The following PAFAH2 variants were observed in gnomAD, a reference collection of about 807,000 sequenced individuals.
The protein encoded by PAFAH2 is platelet-activating factor acetylhydrolase 2, cytoplasmic.
PAFAH2 carries 42 observed loss-of-function variants against 49.0 expected under a neutral mutation model. The observed-to-expected ratio is 0.86, with a 90% CI of 0.67 to 1.11. PAFAH2 has a LOEUF of 1.11. Among genes scored for constraint, PAFAH2 ranks in the 50% least tolerant of loss-of-function variants. The probability of loss-of-function intolerance (pLI) is 0.00; values close to 1 mark genes in which losing one functional copy is unlikely to be tolerated. For synonymous variants in PAFAH2, 184 were observed against 181.3 expected (o/e 1.01, Z -0.12); for missense variants, 503 against 501.8 (o/e 1.00, Z -0.02).
chr1:25,981,644 C>CT (rs1398435285), intron 7 of PAFAH2, among the ~76,000 whole-genome samples: 1 of 152,232 alleles, frequency 6.6e-6, no homozygotes, highest in African/African-American at 2.4e-5. Flanking sequence ...GACAAAGGGA[C>CT]TGGCCCAGAG....
At chr1:25,986,751 G>C (rs111983407) in intron 4 of PAFAH2, among the ~76,000 whole-genome samples, 6 of 151,696 alleles carry the variant, frequency 4.0e-5, no homozygotes, top group African/African-American at 7.3e-5. Flanking sequence ...GGCTAGTCTC[G>C]AACTCCCAAC....
At chr1:25,989,303 C>T in intron 3 of PAFAH2, 145 bp downstream of exon 3, 1 of 654,948 alleles carries the variant, frequency 1.5e-6, no homozygotes, top group South Asian at 5.2e-5. Context: ...AATTCTCTCC[C>T]AACTCTCCAT....
chr1:25,974,507 T>C lies in PAFAH2; in HGVS notation c.902A>G (p.His301Arg). The change falls in exon 9 of 11, where the codon CAT becomes CGT. Residue 301 changes from histidine (H) to arginine (R), a missense_variant. By Grantham distance (29) the His-to-Arg change is conservative. Coordinates refer to ENST00000374282, the MANE Select transcript of PAFAH2 (RefSeq NM_000437.4). ...AACGGTTATGATCCTAGACTGTTCA[T>C]GCTGGGCACATATCTTCTTCATCAA... The part of the protein sequence containing the change: ...VNLMKKICAQ[H>R]EQSRIITVLG... 4 of 1,614,012 alleles carry C rather than the reference T, an allele frequency of 2.5e-6. No homozygotes were observed. Among genetic ancestry groups the C allele is most frequent in the South Asian group, 1.1e-5 (1 of 91,064 alleles).
intron 10 of PAFAH2, among the ~76,000 whole-genome samples, chr1:25,970,993 C>T (rs1010481722): frequency 5.3e-5 from 8 of 152,052 alleles, no homozygotes; most frequent in South Asian, 2.1e-4. Context: ...GGAGGTACCA[C>T]GAACATTTAG....
At chr1:25,966,264 T>C (rs185165554) in intron 10 of PAFAH2, among the ~76,000 whole-genome samples, 3 of 152,266 alleles carry the variant, frequency 2.0e-5, no homozygotes, top group Admixed American at 2.0e-4. Context: ...ATCCCACTAC[T>C]GGCTATCTAC....
intron 4 of PAFAH2, among the ~76,000 whole-genome samples, chr1:25,987,822 G>A (rs1254365471): frequency 1.3e-5 from 2 of 152,030 alleles, no homozygotes; most frequent in African/African-American, 4.8e-5. Flanking sequence ...AGGCTGCAGT[G>A]AGCTGTGATC....
rs1009221453 is a variant in PAFAH2 at position 25,961,663 on chromosome 1, C to T, written c.*326G>A. ...TGGCCGGGGGTAAGGGAATGAGCTTCGCTGGGCTGAGTCTTCACATCCAGG... is the reference window on the plus strand; with the variant it reads ...TGGCCGGGGGTAAGGGAATGAGCTTTGCTGGGCTGAGTCTTCACATCCAGG... On this transcript the variant is annotated 3_prime_UTR_variant, in exon 11 of 11. Transcript: ENST00000374282. 2.8e-5 allele frequency: 6 copies of T among 212,240 alleles called. No homozygotes were observed. In the South Asian group the frequency reaches 3.8e-4, roughly 13 times the overall value. 13.1% of individuals were successfully genotyped at this position (212,240 alleles called of 1,614,324 possible).
At chr1:25,990,300 G>C (rs2049853876) in intron 2 of PAFAH2, among the ~76,000 whole-genome samples, 1 of 152,108 alleles carries the variant, frequency 6.6e-6, no homozygotes. Flanking sequence ...GGGGAAAACA[G>C]ATCAAGGCAG....
intron 7 of PAFAH2, among the ~76,000 whole-genome samples, chr1:25,979,357 C>T (rs886765324): frequency 8.6e-5 from 13 of 150,556 alleles, no homozygotes; most frequent in Middle Eastern, 3.4e-3. Flanking sequence ...GCTTTGTCAC[C>T]GAGGCTGGAG....
intron 1 of PAFAH2, among the ~76,000 whole-genome samples, chr1:25,992,984 A>G (rs1569584572): frequency 2.6e-5 from 4 of 152,200 alleles, no homozygotes; most frequent in Admixed American, 1.3e-4. Flanking sequence ...GTGGCCTTGA[A>G]CCACAGCAGC....
intron 10 of PAFAH2, among the ~76,000 whole-genome samples, chr1:25,969,803 T>C (rs2049479828): frequency 6.6e-6 from 1 of 152,172 alleles, no homozygotes; most frequent in Non-Finnish European, 1.5e-5. Context: ...CTTCCCATCA[T>C]CTTTCATCTT....
intron 7 of PAFAH2, among the ~76,000 whole-genome samples, chr1:25,980,217 T>C (rs1263506432): frequency 2.0e-5 from 3 of 152,260 alleles, no homozygotes; most frequent in Non-Finnish European, 2.9e-5. Flanking sequence ...ACTTAGCCTT[T>C]TTGATCCTTA....
At position 25,982,430 on chromosome 1, in the gene PAFAH2, T is replaced by C; in HGVS notation, c.600A>G (p.Gln200=). 3 of 1,614,130 alleles carry C rather than the reference T, an allele frequency of 1.9e-6. No homozygotes were observed. The highest frequency in any genetic ancestry group is 1.1e-5 in the South Asian group (1 of 91,072). The part of the protein sequence containing the change: ...SECLRVLKIL[Q]EVTAGQTVFN... ...AGACAGTCTGCCCAGCAGTGACCTC[T>C]TGCAGGATCTTCAACACCCGTAAAC... Residue 200 remains glutamine, a synonymous_variant, in exon 7 of 11, where the codon CAA becomes CAG. Transcript: ENST00000374282.
intron 10 of PAFAH2, among the ~76,000 whole-genome samples, chr1:25,967,568 CAG>C (rs1046568871): frequency 1.1e-4 from 16 of 152,072 alleles, no homozygotes; most frequent in Admixed American, 1.0e-3. Flanking sequence ...TCAGAAGCTG[CAG>C]AGAGTTCCAG....
At chr1:25,987,231 C>G (rs970021198) in intron 4 of PAFAH2, among the ~76,000 whole-genome samples, 1 of 132,448 alleles carries the variant, frequency 7.6e-6, no homozygotes, top group Non-Finnish European at 1.6e-5. Context: ...GAGACTCTGT[C>G]TCAGAAAAAA....
rs1409301943 is a variant in PAFAH2, at chr1:25,990,767, A to G, written c.50T>C (p.Leu17Pro). The change falls in exon 2 of 11, where the codon CTC (leucine) becomes CCC (proline). Residue 17 changes from leucine (L) to proline (P), a missense_variant. Transcript: ENST00000374282. ...VGFPPVTGPH[L>P]VGCGDVMEGQ... ...CTCCATCACATCCCCACAGCCTACG[A>G]GGTGGGGTCCTGTGACAGGTGGAAA... is the stretch of plus-strand genomic sequence containing the variant. 1 of 1,614,024 alleles carries G rather than the reference A, an allele frequency of 6.2e-7. No homozygotes were observed. The highest frequency in any genetic ancestry group is 1.1e-5 in the South Asian group (1 of 91,058).
At chr1:25,993,777 C>A (rs1280717783) in intron 1 of PAFAH2, among the ~76,000 whole-genome samples, 1 of 152,084 alleles carries the variant, frequency 6.6e-6, no homozygotes, top group African/African-American at 2.4e-5. Flanking sequence ...ACTGCTGGGG[C>A]CACAAGACAC....
At chr1:25,993,155 A>T (rs2049897970) in intron 1 of PAFAH2, among the ~76,000 whole-genome samples, 1 of 152,198 alleles carries the variant, frequency 6.6e-6, no homozygotes, top group Non-Finnish European at 1.5e-5. Context: ...ATGAGTCAGT[A>T]AGTTCCCTTT....
At chr1:25,986,990 T>C (rs1328478417) in intron 4 of PAFAH2, among the ~76,000 whole-genome samples, 1 of 151,768 alleles carries the variant, frequency 6.6e-6, no homozygotes, top group Non-Finnish European at 1.5e-5. Context: ...ATGCCTGTAA[T>C]CCTAGCACTT....
Sources: gnomAD v4.1 joint callset for allele counts (sites outside exome capture counted in the v4.1 genomes callset) on GRCh38, gnomAD v4.1.1 for gene constraint, MANE v1.5 for transcripts, NCBI Gene and HGNC (gene_info 2026-07-23, HGNC 2026-07-21) for gene names.